Variants in GABPB1 observed in about 807,000 individuals in gnomAD.
GABPB1 encodes GA binding protein transcription factor subunit beta 1.
In GABPB1, 15 loss-of-function variants were observed where a neutral mutation model predicts 45.9. The ratio of observed to expected loss-of-function variants is 0.33; its 90% CI spans 0.22 to 0.50. The LOEUF is 0.50. Ranked by LOEUF, GABPB1 falls within the 20% of genes least tolerant of loss-of-function variation. The pLI, the probability that GABPB1 is intolerant of heterozygous loss-of-function variation, is 0.98. For missense variants in GABPB1, 252 were observed against 457.5 expected, an observed-to-expected ratio of 0.55 and a Z score of 4.10; for synonymous variants, 143 against 154.4, an observed-to-expected ratio of 0.93 and a Z score of 0.55.
Position 50,289,612 on chromosome 15 carries a change from C to T in GABPB1, c.754G>A (p.Val252Ile), listed in dbSNP as rs2046280745. 2 of 1,613,400 alleles carry T rather than the reference C, an allele frequency of 1.2e-6. No individual in the cohort carries two copies. Among genetic ancestry groups the T allele is most frequent in the South Asian group, 1.1e-5 (1 of 91,052 alleles). ...ACTTGCTGACCCCCTGAACTAACTA[C>T]TTGCTGAATGGCACCATCCACAGAT... ...AESVDGAIQQ[V>I]VSSGGQQVIT... Residue 252 changes from valine (V) to isoleucine (I), a missense_variant, in exon 7 of 9, where the codon GTA (valine) becomes ATA (isoleucine). Val to Ile is a conservative substitution (Grantham distance 29). This residue lies in a region of GABPB1 where 193 missense variants were observed against 259.9 expected (regional missense o/e 0.74). Coordinates refer to ENST00000380877, the MANE Select transcript of GABPB1 (RefSeq NM_016654.5).
intron 8 of GABPB1, 81 bp from the exon 9 acceptor site, chr15:50,278,865 A>T: frequency 2.9e-6 from 2 of 695,358 alleles, no homozygotes; most frequent in South Asian, 3.4e-5. Context: ...CCTTCAAATT[A>T]AAAAAAAAAA....
intron 1 of GABPB1, among the ~76,000 whole-genome samples, chr15:50,338,702 G>A (rs1343677336): frequency 6.6e-6 from 1 of 151,564 alleles, no homozygotes; most frequent in Non-Finnish European, 1.5e-5. Context: ...TTGAACTCCT[G>A]GACTTAAGTG....
chr15:50,310,341 CCT>C (rs1567510192), intron 1 of GABPB1, among the ~76,000 whole-genome samples: 1 of 152,202 alleles, frequency 6.6e-6, no homozygotes, highest in East Asian at 1.9e-4. Context: ...GATCTGCCCG[CCT>C]TGGCCTCCCA....
At chr15:50,307,542 A>G (rs935088312) in intron 2 of GABPB1, among the ~76,000 whole-genome samples, 2 of 151,968 alleles carry the variant, frequency 1.3e-5, no homozygotes, top group Non-Finnish European at 2.9e-5. Flanking sequence ...CTCTACTAAA[A>G]ATACAAAACA....
chr15:50,354,384 C>G (rs1235297418), intron 1 of GABPB1: 2 of 452,676 alleles, frequency 4.4e-6, no homozygotes, highest in African/African-American at 4.1e-5. Context: ...CTTCCATTAA[C>G]CCTGTCTGGT....
chr15:50,296,637 T>TCAACCTCCA (rs955719437), intron 6 of GABPB1, among the ~76,000 whole-genome samples: 2 of 152,276 alleles, frequency 1.3e-5, no homozygotes, highest in Non-Finnish European at 2.9e-5. Context: ...ATAAAATTAT[T>TCAACCTCCA]CAACCTCCAC....
chr15:50,348,388 G>A (rs2048683365), intron 1 of GABPB1, among the ~76,000 whole-genome samples: 3 of 151,954 alleles, frequency 2.0e-5, no homozygotes, highest in African/African-American at 4.8e-5. Context: ...CCGAGTAGCC[G>A]AGACACAAGC....
chr15:50,336,346 T>C (rs1242113172), intron 1 of GABPB1, among the ~76,000 whole-genome samples: 1 of 107,624 alleles, frequency 9.3e-6, no homozygotes. Context: ...AGAGCGAGAC[T>C]CTGTCCCAAA....
At chr15:50,294,541 G>A (rs35000991) in intron 6 of GABPB1, among the ~76,000 whole-genome samples, 74,268 of 151,396 alleles carry the variant, frequency 0.49, 19,266 homozygotes, top group Middle Eastern at 0.64. Flanking sequence ...AAAATAAAAT[G>A]GAAACTATAT....
intron 1 of GABPB1, among the ~76,000 whole-genome samples, chr15:50,315,616 C>A (rs1483416330): frequency 6.6e-6 from 1 of 152,130 alleles, no homozygotes; most frequent in African/African-American, 2.4e-5. Flanking sequence ...ATAATGAAAA[C>A]AAAATCGTAG....
At chr15:50,348,723 G>C (rs759371388) in intron 1 of GABPB1, among the ~76,000 whole-genome samples, 1 of 151,962 alleles carries the variant, frequency 6.6e-6, no homozygotes, top group Non-Finnish European at 1.5e-5. Context: ...TTAGCTGGGC[G>C]TCGTGGCGCG....
intron 4 of GABPB1, 150 bp from the exon 5 acceptor site, chr15:50,301,518 T>C: frequency 1.4e-6 from 1 of 703,578 alleles, no homozygotes; most frequent in Non-Finnish European, 2.3e-6. Context: ...CCACTGACAG[T>C]GTAGGGGCAC....
intron 1 of GABPB1, among the ~76,000 whole-genome samples, chr15:50,318,322 T>C (rs1352427483): frequency 2.0e-5 from 3 of 152,200 alleles, no homozygotes; most frequent in Admixed American, 2.0e-4. Flanking sequence ...GTTTAGTGTC[T>C]CCCAGTGTAA....
chr15:50,316,315 C>T (rs1404317904), intron 1 of GABPB1, among the ~76,000 whole-genome samples: 2 of 151,980 alleles, frequency 1.3e-5, no homozygotes, highest in South Asian at 2.1e-4. Flanking sequence ...TTTGAATTTC[C>T]GTAATTTACA....
At chr15:50,282,697 G>C (rs2140968201) in intron 8 of GABPB1, among the ~76,000 whole-genome samples, 1 of 151,960 alleles carries the variant, frequency 6.6e-6, no homozygotes, top group East Asian at 1.9e-4. Context: ...ACAGAAATCA[G>C]TTTTTAAGAG....
At chr15:50,297,758 C>G (rs1298356255) in intron 6 of GABPB1, among the ~76,000 whole-genome samples, 1 of 152,146 alleles carries the variant, frequency 6.6e-6, no homozygotes, top group Non-Finnish European at 1.5e-5. Flanking sequence ...TCGCTTGAAC[C>G]CAGGAGGCGG....
intron 8 of GABPB1, among the ~76,000 whole-genome samples, chr15:50,285,719 C>A (rs1362373619): frequency 1.3e-5 from 2 of 149,096 alleles, no homozygotes; most frequent in African/African-American, 4.9e-5. Flanking sequence ...TTTTGAACAA[C>A]AAAAAAAAAA....
chr15:50,331,858 GT>G (rs748598712), intron 1 of GABPB1, among the ~76,000 whole-genome samples: 25 of 143,550 alleles, frequency 1.7e-4, no homozygotes, highest in South Asian at 4.5e-4. Context: ...GTCCCGTTCA[GT>G]TTTTTTTTTT....
chr15:50,351,156 T>C (rs1271097014), intron 1 of GABPB1: 1 of 152,236 alleles, frequency 6.6e-6, no homozygotes, highest in Non-Finnish European at 1.5e-5. Context: ...TGAGAATGAA[T>C]ACAAGGTCTC....
Sources: gnomAD v4.1 joint callset for allele counts (sites outside exome capture counted in the v4.1 genomes callset) on GRCh38, gnomAD v4.1.1 for gene constraint, gnomAD v4.1.1 regional missense constraint, MANE v1.5 for transcripts, NCBI Gene and HGNC (gene_info 2026-07-23, HGNC 2026-07-21) for gene names.